ITFG1: variants seen among roughly 807,000 people sequenced by gnomAD.
The protein encoded by ITFG1 is integrin alpha FG-GAP repeat containing 1, also known as T-cell immunomodulatory protein.
Under a neutral mutation model 81.8 loss-of-function variants are expected in ITFG1, and 34 were observed. The ratio of observed to expected loss-of-function variants is 0.42; its 90% CI spans 0.32 to 0.55. The LOEUF is 0.55. Ranked by LOEUF, ITFG1 falls within the 20% of genes least tolerant of loss-of-function variation. ITFG1 has a pLI of 0.17. For synonymous variants in ITFG1, 285 were observed against 270.6 expected (o/e 1.05, Z -0.52); for missense variants, 672 against 755.4 (o/e 0.89, Z 1.29).
At chr16:47,178,897 C>A (rs1215988888) in intron 14 of ITFG1, among the ~76,000 whole-genome samples, 2 of 152,084 alleles carry the variant, frequency 1.3e-5, no homozygotes, top group Non-Finnish European at 2.9e-5. Flanking sequence ...TCAAACAACC[C>A]CATCAAAAAG....
At chr16:47,434,686 A>G (rs1005935707) in intron 5 of ITFG1, among the ~76,000 whole-genome samples, 1 of 152,176 alleles carries the variant, frequency 6.6e-6, no homozygotes. Flanking sequence ...TGATCTACCA[A>G]TCCCATTACT....
At chr16:47,192,598 C>T (rs1965305313) in intron 14 of ITFG1, among the ~76,000 whole-genome samples, 1 of 152,176 alleles carries the variant, frequency 6.6e-6, no homozygotes, top group South Asian at 2.1e-4. Flanking sequence ...CAACCACCCA[C>T]CTGCCCCTTA....
chr16:47,238,618 A>G, intron 12 of ITFG1, among the ~76,000 whole-genome samples: 1 of 152,188 alleles, frequency 6.6e-6, no homozygotes, highest in Non-Finnish European at 1.5e-5. Flanking sequence ...AAATAAAACC[A>G]TATTTCTACC....
At chr16:47,198,195 G>A (rs1965381213) in intron 14 of ITFG1, among the ~76,000 whole-genome samples, 1 of 152,178 alleles carries the variant, frequency 6.6e-6, no homozygotes. Context: ...TGAGTAACTT[G>A]AGCTCAAATA....
At chr16:47,329,702 GTGT>G in intron 8 of ITFG1, among the ~76,000 whole-genome samples, 1 of 151,988 alleles carries the variant, frequency 6.6e-6, no homozygotes, top group African/African-American at 2.4e-5. Flanking sequence ...AACTCAAATT[GTGT>G]TATTATCCTA....
intron 6 of ITFG1, among the ~76,000 whole-genome samples, chr16:47,420,425 A>T (rs985964719): frequency 6.6e-6 from 1 of 152,158 alleles, no homozygotes; most frequent in African/African-American, 2.4e-5. Context: ...CAACAGTGAG[A>T]GTGTGATGTT....
At chr16:47,198,055 TG>T (rs1965379545) in intron 14 of ITFG1, among the ~76,000 whole-genome samples, 1 of 152,340 alleles carries the variant, frequency 6.6e-6, no homozygotes, top group South Asian at 2.1e-4. Context: ...TATTACGGAT[TG>T]AAGTTTAAGA....
chr16:47,411,728 G>T (rs1179299469), intron 6 of ITFG1, among the ~76,000 whole-genome samples: 1 of 152,080 alleles, frequency 6.6e-6, no homozygotes, highest in Non-Finnish European at 1.5e-5. Flanking sequence ...AGGAAAGATG[G>T]GTGCAGTCCT....
At chr16:47,356,568 G>C (rs1393548620) in intron 8 of ITFG1, among the ~76,000 whole-genome samples, 1 of 152,176 alleles carries the variant, frequency 6.6e-6, no homozygotes, top group Middle Eastern at 3.2e-3. Context: ...ATGGATTGCT[G>C]TGAATAAGTG....
At chr16:47,293,179 C>A (rs376552736) in intron 10 of ITFG1, among the ~76,000 whole-genome samples, 1 of 121,712 alleles carries the variant, frequency 8.2e-6, no homozygotes, top group African/African-American at 4.2e-5. Flanking sequence ...ATATCATATA[C>A]AAATGATATA....
intron 5 of ITFG1, among the ~76,000 whole-genome samples, chr16:47,447,587 G>A (rs975493728): frequency 1.3e-5 from 2 of 152,110 alleles, no homozygotes; most frequent in Admixed American, 1.3e-4. Context: ...CTGAAGTGCA[G>A]TGGTGTGATC....
chr16:47,438,916 C>T (rs1315658514), intron 5 of ITFG1, among the ~76,000 whole-genome samples: 2 of 151,908 alleles, frequency 1.3e-5, no homozygotes, highest in Admixed American at 6.6e-5. Flanking sequence ...GAACCAATGG[C>T]AAAGAAGCTC....
At position 47,154,829 on chromosome 16, in the gene ITFG1, G is replaced by C. The variant is rs1964678242; in HGVS notation, c.*890C>G. The C allele has an allele frequency of 6.6e-6, 1 of 152,190 alleles. No individual in the cohort carries two copies. Among genetic ancestry groups the C allele is most frequent in the Non-Finnish European group, 1.5e-5 (1 of 68,036 alleles). The allele number at this position is 152,190 out of a possible 1,614,324, so 9.4% of individuals were successfully genotyped here. A position where few individuals can be genotyped will look rare whatever the true frequency, so the allele number is the denominator to read the frequency against. On this transcript the variant is annotated 3_prime_UTR_variant, in exon 18 of 18. Transcript: ENST00000320640. ...TTTTTAGGGCACATTAATTCTTGGAGAGTACTATAATTTTTAGTTAATATG... is the reference window on the plus strand; with the variant it reads ...TTTTTAGGGCACATTAATTCTTGGACAGTACTATAATTTTTAGTTAATATG...
chr16:47,260,207 G>A (rs901688485), intron 11 of ITFG1, among the ~76,000 whole-genome samples: 1 of 152,106 alleles, frequency 6.6e-6, no homozygotes, highest in African/African-American at 2.4e-5. Context: ...AAAGTGCTGG[G>A]ATTACAGGTG....
At chr16:47,456,470 G>T (rs1307816042) in intron 2 of ITFG1, among the ~76,000 whole-genome samples, 1 of 151,876 alleles carries the variant, frequency 6.6e-6, no homozygotes, top group Non-Finnish European at 1.5e-5. Context: ...CAGGTGGATT[G>T]CCTGAGCTCA....
chr16:47,438,141 G>T (rs923621016), intron 5 of ITFG1, among the ~76,000 whole-genome samples: 1 of 152,192 alleles, frequency 6.6e-6, no homozygotes, highest in Admixed American at 6.5e-5. Flanking sequence ...GGGTAGGGGC[G>T]CCTGCCATTG....
At chr16:47,180,365 C>T (rs1228591665) in intron 14 of ITFG1, among the ~76,000 whole-genome samples, 2 of 151,158 alleles carry the variant, frequency 1.3e-5, no homozygotes, top group Non-Finnish European at 3.0e-5. Flanking sequence ...CTCTCCCTCT[C>T]CCTCCCCCTC....
chr16:47,396,258 G>A, intron 6 of ITFG1: 1 of 666,398 alleles, frequency 1.5e-6, no homozygotes, highest in Non-Finnish European at 1.9e-6. Flanking sequence ...GTTAGCTGTT[G>A]CTAAAATGTA....
intron 10 of ITFG1, among the ~76,000 whole-genome samples, chr16:47,262,178 A>G (rs1966216914): frequency 6.6e-6 from 1 of 152,214 alleles, no homozygotes; most frequent in East Asian, 1.9e-4. Context: ...CAGATGAAAA[A>G]TTCCAAAACA....
Sources: gnomAD v4.1 joint callset for allele counts (sites outside exome capture counted in the v4.1 genomes callset) on GRCh38, gnomAD v4.1.1 for gene constraint, MANE v1.5 for transcripts, NCBI Gene and HGNC (gene_info 2026-07-23, HGNC 2026-07-21) for gene names.